IKZF2: variants seen among roughly 807,000 people sequenced by gnomAD.
IKZF2 encodes zinc finger protein Helios.
A neutral mutation model predicts 49.2 loss-of-function variants in IKZF2; 15 were observed. The ratio of observed to expected loss-of-function variants is 0.30; its 90% CI spans 0.20 to 0.47. The LOEUF (loss-of-function observed/expected upper bound fraction) is 0.47, where lower values mean the gene tolerates loss of function less well. Among genes scored for constraint, IKZF2 ranks in the 20% least tolerant of loss-of-function variants. The probability of loss-of-function intolerance (pLI) is 1.00; values close to 1 mark genes in which losing one functional copy is unlikely to be tolerated. For synonymous variants in IKZF2, 227 were observed against 221.4 expected (o/e 1.03, Z -0.23); for missense variants, 567 against 664.6 (o/e 0.85, Z 1.61).
chr2:213,148,773 A>G (rs2061168094), intron 2 of IKZF2, 129 bp from the exon 3 acceptor site: 1 of 687,730 alleles, frequency 1.5e-6, no homozygotes, highest in African/African-American at 1.8e-5. Context: ...AGAAACATAC[A>G]CAGTGTACTG....
In IKZF2 at chr2:213,079,812, T is replaced by C. The variant is rs1703731915; in HGVS notation, c.140-22713A>G. On this transcript the variant is annotated intron_variant, in intron 4 of 8. Transcript: ENST00000434687. ...TACCCACCTTAAGGCATCTAATTAGTGCCCACTGTTTTTCCACCCTCCAGT... is the reference window on the plus strand; with the variant it reads ...TACCCACCTTAAGGCATCTAATTAGCGCCCACTGTTTTTCCACCCTCCAGT... Among the ~76,000 whole-genome samples, 3 of 152,168 alleles carry C rather than the reference T, an allele frequency of 2.0e-5. No individual in the cohort carries two copies. In the South Asian group the frequency reaches 6.2e-4, roughly 32 times the overall value.
Position 213,003,542 on chromosome 2 carries a change from G to C in IKZF2, c.*3818C>G, listed in dbSNP as rs539860878. On this transcript the variant is annotated 3_prime_UTR_variant, in exon 9 of 9. Transcript: ENST00000434687. ...TAGTACCTCTGACAGTTTAAGTTCT[G>C]CCTGAAACTAGGGGCACACAGTTTT... 1 of 151,724 alleles carries C rather than the reference G, an allele frequency of 6.6e-6. No individual in the cohort carries two copies. Among genetic ancestry groups the C allele is most frequent in the South Asian group, 2.1e-4 (1 of 4,810 alleles). 9.4% of individuals were successfully genotyped at this position (151,724 alleles called of 1,614,324 possible).
chr2:213,133,736 T>TAAATA (rs1559317308), intron 4 of IKZF2, among the ~76,000 whole-genome samples: 222 of 110,488 alleles, frequency 2.0e-3, no homozygotes, highest in Non-Finnish European at 3.2e-3. Flanking sequence ...ATAAATAAAA[T>TAAATA]AAATATTCAC....
chr2:213,122,489 C>T (rs1389851094), intron 4 of IKZF2, among the ~76,000 whole-genome samples: 3 of 151,984 alleles, frequency 2.0e-5, no homozygotes, highest in African/African-American at 4.8e-5. Flanking sequence ...ATGATTCTTA[C>T]GATCAAGCAA....
In IKZF2 at chr2:213,000,301, C is replaced by T; in HGVS notation, c.*7059G>A. 6.9e-6 allele frequency: 1 copy of T among 145,128 alleles called. No individual in the cohort carries two copies. The highest frequency in any genetic ancestry group is 1.5e-5 in the Non-Finnish European group (1 of 66,132). 9.0% of individuals were successfully genotyped at this position (145,128 alleles called of 1,614,324 possible). A position where few individuals can be genotyped will look rare whatever the true frequency, so the allele number is the denominator to read the frequency against. On this transcript the variant is annotated 3_prime_UTR_variant, in exon 9 of 9. Coordinates refer to ENST00000434687, the MANE Select transcript of IKZF2 (RefSeq NM_001387220.1). ...TTTTTAAACAATAGTTTTTATTTCCCCAAATTATTAGTTTGAAAAAAAATG... is the reference window on the plus strand; with the variant it reads ...TTTTTAAACAATAGTTTTTATTTCCTCAAATTATTAGTTTGAAAAAAAATG...
At chr2:213,110,780 C>A (rs1330530886) in intron 4 of IKZF2, among the ~76,000 whole-genome samples, 1 of 152,012 alleles carries the variant, frequency 6.6e-6, no homozygotes, top group Non-Finnish European at 1.5e-5. Flanking sequence ...TGTTTCCTTG[C>A]AGCCTTGCCA....
chr2:213,007,132 C>T lies in IKZF2; in HGVS notation c.*228G>A. On this transcript the variant is annotated 3_prime_UTR_variant, in exon 9 of 9. Transcript: ENST00000434687. ...TTAAATTCCCACAAAATAAACAAGC[C>T]AGGTGATAAAGAAACAATATTCCCG... is the stretch of plus-strand genomic sequence containing the variant. 2.3e-6 allele frequency: 1 copy of T among 443,582 alleles called. No homozygotes were observed. 27.5% of individuals were successfully genotyped at this position (443,582 alleles called of 1,614,324 possible).
intron 4 of IKZF2, among the ~76,000 whole-genome samples, chr2:213,096,349 A>C (rs919569138): frequency 6.6e-6 from 1 of 151,990 alleles, no homozygotes; most frequent in Admixed American, 6.6e-5. Context: ...GCCTCATTAT[A>C]TAAAAACAGG....
chr2:213,120,633 G>T (rs867503947), intron 4 of IKZF2, among the ~76,000 whole-genome samples: 3 of 152,174 alleles, frequency 2.0e-5, no homozygotes, highest in Admixed American at 6.5e-5. Flanking sequence ...ACAAATTTTT[G>T]TAATAGAAGT....
intron 4 of IKZF2, among the ~76,000 whole-genome samples, chr2:213,061,698 T>G (rs1466763133): frequency 6.6e-6 from 1 of 151,464 alleles, no homozygotes; most frequent in Non-Finnish European, 1.5e-5. Context: ...ACTACTTGCC[T>G]AATACTTTGT....
intron 6 of IKZF2, among the ~76,000 whole-genome samples, chr2:213,023,418 C>T (rs1000613588): frequency 2.6e-5 from 4 of 152,144 alleles, no homozygotes; most frequent in African/African-American, 7.2e-5. Flanking sequence ...TGTAAACTAT[C>T]ATAAAAGTTA....
intron 4 of IKZF2, among the ~76,000 whole-genome samples, chr2:213,099,023 A>G (rs904818726): frequency 6.6e-6 from 1 of 152,316 alleles, no homozygotes; most frequent in Middle Eastern, 3.4e-3. Context: ...GATGAACATC[A>G]ATGATCAGCA....
chr2:213,146,194 T>C (rs192573347), intron 4 of IKZF2, among the ~76,000 whole-genome samples: 3 of 152,222 alleles, frequency 2.0e-5, no homozygotes, highest in Admixed American at 2.0e-4. Context: ...TAGGAAATTG[T>C]GTGAGTTATC....
chr2:213,041,789 A>T (rs1699687213), intron 6 of IKZF2, among the ~76,000 whole-genome samples: 1 of 152,218 alleles, frequency 6.6e-6, no homozygotes, highest in African/African-American at 2.4e-5. Context: ...ACATTAGTAG[A>T]CAAGAAATAT....
intron 4 of IKZF2, among the ~76,000 whole-genome samples, chr2:213,088,472 T>G (rs865841772): frequency 1.3e-5 from 2 of 152,180 alleles, no homozygotes; most frequent in Admixed American, 6.6e-5. Context: ...AAAAATAATT[T>G]TCCTGGCCTG....
At chr2:213,062,330 CCTAACCA>C (rs1209757486) in intron 4 of IKZF2, among the ~76,000 whole-genome samples, 1 of 151,390 alleles carries the variant, frequency 6.6e-6, no homozygotes, top group African/African-American at 2.4e-5. Context: ...AGTCAAGTTT[CCTAACCA>C]GGAAAATAAT....
chr2:213,017,303 C>T (rs966751305), intron 7 of IKZF2, among the ~76,000 whole-genome samples: 4 of 152,156 alleles, frequency 2.6e-5, no homozygotes, highest in Non-Finnish European at 5.9e-5. Flanking sequence ...TTGTTTCCTA[C>T]TCAGACCCCT....
chr2:213,044,447 G>C (rs1699963696), intron 6 of IKZF2, among the ~76,000 whole-genome samples: 1 of 152,194 alleles, frequency 6.6e-6, no homozygotes, highest in Non-Finnish European at 1.5e-5. Context: ...AGTCAAAATG[G>C]AATTCAAGGA....
At chr2:213,071,939 G>T (rs907259164) in intron 4 of IKZF2, among the ~76,000 whole-genome samples, 47 of 151,750 alleles carry the variant, frequency 3.1e-4, no homozygotes, top group South Asian at 2.1e-4. Flanking sequence ...CACAATTTTT[G>T]AATGAAAACC....
Sources: gnomAD v4.1 joint callset for allele counts (sites outside exome capture counted in the v4.1 genomes callset) on GRCh38, gnomAD v4.1.1 for gene constraint, MANE v1.5 for transcripts, NCBI Gene and HGNC (gene_info 2026-07-23, HGNC 2026-07-21) for gene names.